The following KANK1 variants were observed in gnomAD, a reference collection of about 807,000 sequenced individuals.
KANK1 encodes the protein KN motif and ankyrin repeat domains 1, also known as KN motif and ankyrin repeat domain-containing protein 1.
In KANK1, 109 loss-of-function variants were observed where a neutral mutation model predicts 106.2. That is an observed-to-expected ratio of 1.03 (90% CI 0.88 to 1.20). The LOEUF (loss-of-function observed/expected upper bound fraction) is 1.20. Among genes scored for constraint, KANK1 ranks in the 50% most tolerant of loss-of-function variants. The pLI, the probability that KANK1 is intolerant of heterozygous loss-of-function variation, is 0.00. For missense variants in KANK1, 2,399 were observed against 1,710.7 expected (o/e 1.40, Z -7.10); for synonymous variants, 873 against 652.2 (o/e 1.34, Z -5.16).
intron 1 of KANK1, among the ~76,000 whole-genome samples, chr9:598,709 C>T (rs1363749725): frequency 8.0e-6 from 1 of 125,264 alleles, no homozygotes; most frequent in Non-Finnish European, 1.6e-5. Flanking sequence ...CGGCTCACTG[C>T]AACCTCCTCC....
chr9:487,174 C>G (rs977632607), intron 3 of KANK1, among the ~76,000 whole-genome samples: 2 of 152,196 alleles, frequency 1.3e-5, no homozygotes, highest in Non-Finnish European at 2.9e-5. Context: ...CCTGCAAATA[C>G]AGACAGTTCC....
intron 3 of KANK1, among the ~76,000 whole-genome samples, chr9:729,581 C>T (rs1299844208): frequency 5.3e-5 from 8 of 152,108 alleles, no homozygotes; most frequent in African/African-American, 9.7e-5. Context: ...AATGAAGTTG[C>T]GGGGGTCAGC....
chr9:495,732 C>A (rs1037044801), intron 3 of KANK1: 23 of 152,208 alleles, frequency 1.5e-4, no homozygotes, highest in African/African-American at 5.6e-4. Context: ...CTCCACCCCA[C>A]CCCAGCCCCA....
chr9:573,629 G>A (rs1248792331), intron 1 of KANK1, among the ~76,000 whole-genome samples: 1 of 152,094 alleles, frequency 6.6e-6, no homozygotes, highest in Non-Finnish European at 1.5e-5. Context: ...AAAAGGTGGT[G>A]AGGATAGCAG....
At chr9:724,773 G>C (rs1830247101) in intron 3 of KANK1, among the ~76,000 whole-genome samples, 2 of 152,018 alleles carry the variant, frequency 1.3e-5, no homozygotes, top group Admixed American at 6.6e-5. Flanking sequence ...CTGCATTCCA[G>C]GCTGGGCGAC....
intron 1 of KANK1, among the ~76,000 whole-genome samples, chr9:610,661 C>T (rs2136129739): frequency 6.6e-6 from 1 of 152,248 alleles, no homozygotes. Context: ...GGTTTAAGGG[C>T]CATTGAAGAA....
In KANK1 at chr9:709,718, C is replaced by G. The variant is rs554395157; in HGVS notation, c.38-1086C>G. ...GCAACCTCCACCTCCTGGATTCAAG[C>G]AATTCTCCTGCCTCAGCCTCCCAAG... is the stretch of plus-strand genomic sequence containing the variant. On this transcript the variant is annotated intron_variant, in intron 2 of 11. Coordinates refer to ENST00000382297, the MANE Select transcript of KANK1 (RefSeq NM_015158.5). Among the ~76,000 whole-genome samples the G allele has an allele frequency of 1.7e-4, 25 of 151,446 alleles. No homozygotes were observed. The South Asian group carries it at 2.9e-3, about 18-fold the overall frequency.
At chr9:729,975 G>C in intron 3 of KANK1, 76 bp from the exon 4 acceptor site, 2 of 1,264,328 alleles carry the variant, frequency 1.6e-6, no homozygotes, top group South Asian at 2.8e-5. Flanking sequence ...ATTATGAGTG[G>C]CAAGAATTGT....
At chr9:585,685 G>A (rs557614553) in intron 1 of KANK1, among the ~76,000 whole-genome samples, 1 of 152,328 alleles carries the variant, frequency 6.6e-6, no homozygotes, top group African/African-American at 2.4e-5. Context: ...GGCATTGTGT[G>A]AGGGTTAAAT....
chr9:672,276 G>C (rs577610787), intron 1 of KANK1, among the ~76,000 whole-genome samples: 1 of 152,288 alleles, frequency 6.6e-6, no homozygotes, highest in Admixed American at 6.5e-5. Flanking sequence ...TTGTAGGGTT[G>C]TTGTGAAGTT....
At chr9:602,757 G>C (rs1450124680) in intron 1 of KANK1, among the ~76,000 whole-genome samples, 1 of 151,850 alleles carries the variant, frequency 6.6e-6, no homozygotes, top group Non-Finnish European at 1.5e-5. Context: ...ATTTTAGATT[G>C]AAAGCCTGTT....
intron 1 of KANK1, among the ~76,000 whole-genome samples, chr9:635,429 G>A (rs1043695907): frequency 2.0e-5 from 3 of 152,050 alleles, no homozygotes; most frequent in Admixed American, 6.6e-5. Flanking sequence ...CATGTGCTTC[G>A]TAGAGAACCA....
chr9:569,691 C>G (rs183959116), intron 1 of KANK1, among the ~76,000 whole-genome samples: 25 of 152,308 alleles, frequency 1.6e-4, no homozygotes, highest in Admixed American at 7.8e-4. Context: ...GTTCACTTTT[C>G]TTTCATCTAG....
intron 2 of KANK1, among the ~76,000 whole-genome samples, chr9:698,749 C>G (rs1589007725): frequency 6.6e-6 from 1 of 152,250 alleles, no homozygotes; most frequent in East Asian, 1.9e-4. Flanking sequence ...TCATATGGTG[C>G]AAAGGAGTTT....
At position 509,254 on chromosome 9, in the gene KANK1, C is replaced by T. The variant is rs12351167; in HGVS notation, c.-84+4500C>T. Among the ~76,000 whole-genome samples, 818 of 152,246 alleles carry T rather than the reference C, an allele frequency of 5.4e-3. 10 individuals are homozygous for T. Among genetic ancestry groups the T allele is most frequent in the African/African-American group, 0.018 (768 of 41,550 alleles). ...CTGGAACTACAGGCACACGCCACCA[C>T]GCCCAGCTAATTTTTGTACTTTTAG... On this transcript the variant is annotated intron_variant, in intron 1 of 11. Transcript: ENST00000382297.
chr9:723,764 T>A (rs951364382), intron 3 of KANK1, among the ~76,000 whole-genome samples: 1 of 152,108 alleles, frequency 6.6e-6, no homozygotes, highest in African/African-American at 2.4e-5. Context: ...ATGACTGGAA[T>A]TCTGATGCAA....
In KANK1 at chr9:712,213, C is replaced by CG. The variant is rs1315866609; in HGVS notation, c.1450dup (p.Glu484GlyfsTer4). The CG allele has an allele frequency of 6.2e-7, 1 of 1,614,072 alleles. No individual in the cohort carries two copies. Among genetic ancestry groups the CG allele is most frequent in the Admixed American group, 1.7e-5 (1 of 60,004 alleles). ...ACAGCTTAGAGAAACCACCCATGACCGGGAGATGACTAAACTGAAACAAGA... is the reference window on the plus strand; with the variant it reads ...ACAGCTTAGAGAAACCACCCATGACCGGGGAGATGACTAAACTGAAACAAGA... On this transcript the variant is annotated frameshift_variant, in exon 3 of 12. Coordinates refer to ENST00000382297, the MANE Select transcript of KANK1 (RefSeq NM_015158.5). LOFTEE classifies it high-confidence loss of function.
intron 3 of KANK1, among the ~76,000 whole-genome samples, chr9:719,766 G>C (rs955912746): frequency 6.6e-6 from 1 of 151,744 alleles, no homozygotes. Context: ...TTTTTTAAGA[G>C]ATGGGGTCTT....
At chr9:534,714 G>C (rs2060216955) in intron 1 of KANK1, among the ~76,000 whole-genome samples, 2 of 152,164 alleles carry the variant, frequency 1.3e-5, no homozygotes. Flanking sequence ...AGACAGAAAG[G>C]ATCAGATGTT....
Sources: gnomAD v4.1 joint callset for allele counts (sites outside exome capture counted in the v4.1 genomes callset) on GRCh38, gnomAD v4.1.1 for gene constraint, MANE v1.5 for transcripts, NCBI Gene and HGNC (gene_info 2026-07-23, HGNC 2026-07-21) for gene names.